LAMA2: variants seen among roughly 807,000 people sequenced by gnomAD.
LAMA2 encodes laminin subunit alpha 2.
Under a neutral mutation model 364.8 loss-of-function variants are expected in LAMA2, and 269 were observed. That is an observed-to-expected ratio of 0.74 (90% confidence interval 0.67 to 0.82). LAMA2 has a LOEUF of 0.82. Ranked by LOEUF, LAMA2 falls within the 40% of genes least tolerant of loss-of-function variation. LAMA2 has a pLI of 0.00. For missense variants in LAMA2, 3,807 were observed against 3,873.2 expected, an observed-to-expected ratio of 0.98 and a Z score of 0.45; for synonymous variants, 1,379 against 1,370.6, an observed-to-expected ratio of 1.01 and a Z score of -0.14.
chr6:129,475,300 A>T, intron 52 of LAMA2, 90 bp from the exon 53 acceptor site: 2 of 799,430 alleles, frequency 2.5e-6, no homozygotes, highest in Non-Finnish European at 4.0e-6. Flanking sequence ...AAGATTTATG[A>T]TTAAAGTTTA....
chr6:129,501,479 G>A (rs765701336), intron 58 of LAMA2, among the ~76,000 whole-genome samples: 3 of 152,176 alleles, frequency 2.0e-5, no homozygotes, highest in African/African-American at 4.8e-5. Context: ...AGAGTGCTTC[G>A]TTTGACTAAG....
intron 4 of LAMA2, among the ~76,000 whole-genome samples, chr6:129,116,070 C>T (rs1003455467): frequency 1.3e-5 from 2 of 151,978 alleles, no homozygotes; most frequent in Non-Finnish European, 2.9e-5. Context: ...GAAACTTGCT[C>T]TTTGAGTGGA....
intron 58 of LAMA2, among the ~76,000 whole-genome samples, chr6:129,500,626 T>C (rs943243742): frequency 6.6e-6 from 1 of 152,140 alleles, no homozygotes; most frequent in African/African-American, 2.4e-5. Context: ...TGGTCAAAGG[T>C]TTTTTTCTAA....
At chr6:129,056,939 G>A (rs1239681726) in intron 2 of LAMA2, among the ~76,000 whole-genome samples, 1 of 150,532 alleles carries the variant, frequency 6.6e-6, no homozygotes, top group Non-Finnish European at 1.5e-5. Flanking sequence ...CACTGTGTTG[G>A]CCAGGCTGGT....
chr6:128,949,677 GA>G (rs1780691375), intron 1 of LAMA2, among the ~76,000 whole-genome samples: 1 of 151,770 alleles, frequency 6.6e-6, no homozygotes, highest in Non-Finnish European at 1.5e-5. Context: ...ATGAAAAGAA[GA>G]AAAAACAGAT....
intron 4 of LAMA2, among the ~76,000 whole-genome samples, chr6:129,137,578 A>C (rs1777874219): frequency 6.6e-6 from 1 of 152,110 alleles, no homozygotes; most frequent in African/African-American, 2.4e-5. Flanking sequence ...AAATAAATTT[A>C]TACTAGAATT....
chr6:129,433,420 G>A (rs1042089075), intron 41 of LAMA2, among the ~76,000 whole-genome samples: 2 of 152,078 alleles, frequency 1.3e-5, no homozygotes, highest in African/African-American at 4.8e-5. Context: ...GTTGACTTAG[G>A]GGACAGGGTC....
At chr6:129,149,893 A>G (rs1029685735) in intron 7 of LAMA2, among the ~76,000 whole-genome samples, 2 of 152,172 alleles carry the variant, frequency 1.3e-5, no homozygotes, top group Non-Finnish European at 2.9e-5. Flanking sequence ...GTACAGGAGG[A>G]TGTGCATAGG....
chr6:129,501,511 G>T (rs1200644362), intron 58 of LAMA2, among the ~76,000 whole-genome samples: 2 of 152,154 alleles, frequency 1.3e-5, no homozygotes, highest in East Asian at 1.9e-4. Flanking sequence ...AGAGAACAAG[G>T]CTTTTCCTCA....
intron 1 of LAMA2, among the ~76,000 whole-genome samples, chr6:129,008,816 T>C (rs1582863580): frequency 1.3e-5 from 2 of 152,142 alleles, no homozygotes; most frequent in African/African-American, 4.8e-5. Flanking sequence ...ATAGAATCAG[T>C]TGCAGGAATT....
intron 4 of LAMA2, among the ~76,000 whole-genome samples, chr6:129,140,351 C>T (rs1248772542): frequency 1.3e-5 from 2 of 151,574 alleles, no homozygotes; most frequent in Non-Finnish European, 2.9e-5. Flanking sequence ...GATAAGGTTT[C>T]CCCCCCTTTA....
At chr6:129,162,519 A>C (rs1779499033) in intron 8 of LAMA2, among the ~76,000 whole-genome samples, 1 of 152,040 alleles carries the variant, frequency 6.6e-6, no homozygotes, top group African/African-American at 2.4e-5. Context: ...CCTTTATCTG[A>C]AAATGTCTTT....
At chr6:129,394,839 G>C (rs868518783) in intron 37 of LAMA2, among the ~76,000 whole-genome samples, 1 of 152,086 alleles carries the variant, frequency 6.6e-6, no homozygotes, top group African/African-American at 2.4e-5. Flanking sequence ...CATCATTCTT[G>C]GGCACCCCTA....
At chr6:129,152,715 A>G (rs778834692) in intron 7 of LAMA2, among the ~76,000 whole-genome samples, 2 of 152,008 alleles carry the variant, frequency 1.3e-5, no homozygotes, top group Admixed American at 6.6e-5. Context: ...GCCTCCCTCC[A>G]CCCGGCATCC....
intron 12 of LAMA2, among the ~76,000 whole-genome samples, chr6:129,198,632 C>T (rs1475891094): frequency 2.0e-5 from 3 of 151,936 alleles, no homozygotes; most frequent in African/African-American, 7.3e-5. Context: ...GTGGGTAAAA[C>T]ACAAATAAAC....
chr6:128,908,281 G>A (rs569263730), intron 1 of LAMA2, among the ~76,000 whole-genome samples: 1 of 151,844 alleles, frequency 6.6e-6, no homozygotes, highest in East Asian at 1.9e-4. Context: ...CTTTTTGGTT[G>A]GTAAGCTATT....
chr6:129,331,025 T>C (rs1376535881), intron 29 of LAMA2, among the ~76,000 whole-genome samples: 2 of 152,054 alleles, frequency 1.3e-5, no homozygotes, highest in Admixed American at 6.6e-5. Context: ...CCCACCACCA[T>C]GCCCGGCTTC....
At chr6:129,464,022 A>G (rs1381058377) in intron 49 of LAMA2, among the ~76,000 whole-genome samples, 5 of 151,932 alleles carry the variant, frequency 3.3e-5, no homozygotes, top group African/African-American at 9.7e-5. Flanking sequence ...CAATATAACT[A>G]TCTACTACCA....
chr6:129,193,469 G>A (rs1781656987), intron 12 of LAMA2, among the ~76,000 whole-genome samples: 1 of 152,174 alleles, frequency 6.6e-6, no homozygotes, highest in Non-Finnish European at 1.5e-5. Context: ...AACAAATGTA[G>A]CAGCCTCAGA....
Sources: gnomAD v4.1 joint callset for allele counts (sites outside exome capture counted in the v4.1 genomes callset) on GRCh38, gnomAD v4.1.1 for gene constraint, MANE v1.5 for transcripts, NCBI Gene and HGNC (gene_info 2026-07-23, HGNC 2026-07-21) for gene names.